The following CACNA1C variants were observed in gnomAD, a reference collection of about 807,000 sequenced individuals.
CACNA1C encodes the protein voltage-dependent L-type calcium channel subunit alpha-1C.
A neutral mutation model predicts 229.0 loss-of-function variants in CACNA1C; 30 were observed. That is an observed-to-expected ratio of 0.13 (90% CI 0.10 to 0.18). CACNA1C has a LOEUF of 0.18. CACNA1C is among the 10% of genes least tolerant of loss of function. CACNA1C has a pLI of 1.00. For missense variants in CACNA1C, 1,658 were observed against 2,845.0 expected (o/e 0.58, Z 9.49); for synonymous variants, 1,114 against 1,132.5 (o/e 0.98, Z 0.33).
intron 42 of CACNA1C, chr12:2,680,299 C>T (rs916163192): frequency 4.8e-6 from 6 of 1,251,578 alleles, no homozygotes; most frequent in Admixed American, 2.2e-5. Flanking sequence ...TCCTGGAGGT[C>T]TTGACTGTAC....
At chr12:2,559,417 A>T (rs1291499451) in intron 11 of CACNA1C, among the ~76,000 whole-genome samples, 2 of 152,226 alleles carry the variant, frequency 1.3e-5, no homozygotes, top group African/African-American at 4.8e-5. Flanking sequence ...GTGCTTTTCA[A>T]CAAGAGGGAA....
chr12:2,245,365 T>C (rs918997660), intron 3 of CACNA1C, among the ~76,000 whole-genome samples: 1 of 152,168 alleles, frequency 6.6e-6, no homozygotes, highest in Non-Finnish European at 1.5e-5. Flanking sequence ...TAAATTTTCA[T>C]TGACTGAACA....
At chr12:2,570,803 C>A (rs1300164662) in intron 13 of CACNA1C, among the ~76,000 whole-genome samples, 3 of 152,092 alleles carry the variant, frequency 2.0e-5, no homozygotes, top group African/African-American at 7.2e-5. Flanking sequence ...GGAGATAGCT[C>A]CTGGAGAAGG....
chr12:2,474,062 G>A (rs1027046913), intron 5 of CACNA1C, among the ~76,000 whole-genome samples: 1 of 152,056 alleles, frequency 6.6e-6, no homozygotes, highest in African/African-American at 2.4e-5. Flanking sequence ...CATTAGAGAG[G>A]TATAATTAAG....
intron 3 of CACNA1C, among the ~76,000 whole-genome samples, chr12:2,231,367 A>G (rs1398470007): frequency 6.6e-6 from 1 of 152,260 alleles, no homozygotes; most frequent in African/African-American, 2.4e-5. Flanking sequence ...TCTGAAAACA[A>G]TGAGAATGAG....
chr12:2,437,394 G>A (rs1359635017), intron 3 of CACNA1C, among the ~76,000 whole-genome samples: 2 of 152,186 alleles, frequency 1.3e-5, no homozygotes, highest in Non-Finnish European at 2.9e-5. Context: ...TGGGAGGTGA[G>A]CTGATGGAGT....
At chr12:2,307,382 C>T (rs1157130994) in intron 3 of CACNA1C, among the ~76,000 whole-genome samples, 1 of 152,162 alleles carries the variant, frequency 6.6e-6, no homozygotes, top group Non-Finnish European at 1.5e-5. Context: ...AATTAAGGCT[C>T]CAAGATGCTG....
intron 29 of CACNA1C, among the ~76,000 whole-genome samples, chr12:2,631,110 C>G (rs1408762060): frequency 6.6e-6 from 1 of 152,182 alleles, no homozygotes; most frequent in Admixed American, 6.5e-5. Flanking sequence ...GTTTTCAACA[C>G]CAAACCTTTG....
intron 3 of CACNA1C, among the ~76,000 whole-genome samples, chr12:2,446,393 T>TG (rs377068766): frequency 0.019 from 1,722 of 90,148 alleles, 43 homozygotes; most frequent in African/African-American, 0.059. Flanking sequence ...GATGGATGGG[T>TG]GGATGGATAG....
chr12:2,440,985 C>G (rs942836203), intron 3 of CACNA1C, among the ~76,000 whole-genome samples: 3 of 152,188 alleles, frequency 2.0e-5, no homozygotes, highest in Non-Finnish European at 4.4e-5. Context: ...ATCTCTCAGA[C>G]AGAGAATAGG....
chr12:2,201,393 A>T (rs971038582), intron 3 of CACNA1C, among the ~76,000 whole-genome samples: 42 of 152,198 alleles, frequency 2.8e-4, no homozygotes, highest in African/African-American at 9.7e-4. Context: ...TTGTGCTACA[A>T]ACCCACTAAC....
At chr12:2,122,323 T>C (rs1247455274) in intron 3 of CACNA1C, among the ~76,000 whole-genome samples, 1 of 152,198 alleles carries the variant, frequency 6.6e-6, no homozygotes, top group Non-Finnish European at 1.5e-5. Context: ...GGTATGGTAA[T>C]GATACCTCAA....
chr12:2,460,152 G>A (rs1374790038), intron 5 of CACNA1C, among the ~76,000 whole-genome samples: 1 of 152,224 alleles, frequency 6.6e-6, no homozygotes, highest in East Asian at 1.9e-4. Context: ...CTCACCTTCG[G>A]TGGTAGGCCT....
intron 4 of CACNA1C, among the ~76,000 whole-genome samples, chr12:2,456,585 CT>C: frequency 6.6e-6 from 1 of 152,332 alleles, no homozygotes; most frequent in Admixed American, 6.5e-5. Flanking sequence ...CCTTGGGCCC[CT>C]GGCTTACCTG....
chr12:2,053,088 G>A lies in CACNA1C; in HGVS notation c.-475G>A. ...CGGCGGCGGCTCTTCCTGCCTCCGC[G>A]CCCAGGAGTTGCCGGCTCCCTTTGA... On this transcript the variant is annotated 5_prime_UTR_variant, in exon 1 of 47. Transcript: ENST00000399655. The surrounding 1 kb of genome is among the most constrained non-coding windows in gnomAD (Gnocchi z 5.8). 1 of 984,550 alleles carries A rather than the reference G, an allele frequency of 1.0e-6. No homozygotes were observed. The highest frequency in any genetic ancestry group is 1.2e-6 in the Non-Finnish European group (1 of 829,476). The allele number at this position is 984,550 out of a possible 1,614,324, so 61.0% of individuals were successfully genotyped here.
intron 3 of CACNA1C, among the ~76,000 whole-genome samples, chr12:2,184,967 G>A (rs1405297065): frequency 6.6e-6 from 1 of 152,238 alleles, no homozygotes; most frequent in Non-Finnish European, 1.5e-5. Flanking sequence ...GGAAAGGCAT[G>A]TGGAGCTAAT....
At chr12:2,157,506 G>A (rs2095613261) in intron 3 of CACNA1C, among the ~76,000 whole-genome samples, 1 of 152,208 alleles carries the variant, frequency 6.6e-6, no homozygotes, top group Admixed American at 6.5e-5. Flanking sequence ...TCAGAGTGCT[G>A]TCCCATAAGC....
intron 3 of CACNA1C, among the ~76,000 whole-genome samples, chr12:2,323,553 C>T (rs1164143091): frequency 9.2e-5 from 14 of 152,300 alleles, no homozygotes; most frequent in Admixed American, 8.5e-4. Flanking sequence ...TACCCCTCAC[C>T]ACCCTGTCCT....
At chr12:2,417,191 C>A (rs1346696872) in intron 3 of CACNA1C, among the ~76,000 whole-genome samples, 1 of 152,176 alleles carries the variant, frequency 6.6e-6, no homozygotes, top group African/African-American at 2.4e-5. Flanking sequence ...TAAAAGTGGC[C>A]GTTTCCATGC....
Sources: gnomAD v4.1 joint callset for allele counts (sites outside exome capture counted in the v4.1 genomes callset) on GRCh38, gnomAD v4.1.1 for gene constraint, Gnocchi (gnomAD v3.1) non-coding constraint, MANE v1.5 for transcripts, NCBI Gene and HGNC (gene_info 2026-07-23, HGNC 2026-07-21) for gene names.